The following TSPAN7 variants were observed in gnomAD, a reference collection of about 807,000 sequenced individuals.
The protein encoded by TSPAN7 is tetraspanin-7.
Under a neutral mutation model 17.6 loss-of-function variants are expected in TSPAN7, and 1 was observed. The observed-to-expected ratio is 0.06, with a 90% CI of 0.02 to 0.27. TSPAN7 has a LOEUF of 0.27. TSPAN7 is among the 10% of genes least tolerant of loss of function. The pLI is 1.00. For missense variants in TSPAN7, 112 were observed against 201.7 expected (o/e 0.56, Z 2.69); for synonymous variants, 78 against 79.0 (o/e 0.99, Z 0.07).
chrX:38,648,673 A>G (rs1047325565), intron 1 of TSPAN7, among the ~76,000 whole-genome samples: 1 of 111,493 alleles, frequency 9.0e-6, no homozygotes, highest in African/African-American at 3.3e-5. Context: ...GCTGGTCTCA[A>G]ACTCCTGGCC....
chrX:38,565,299 A>G lies in TSPAN7; in HGVS notation c.81+3672A>G, dbSNP rs61229184. 9.1e-3 allele frequency among the ~76,000 whole-genome samples: 1,023 copies of G among 111,946 alleles called. 9 individuals are homozygous for G. Among genetic ancestry groups the G allele is most frequent in the African/African-American group, 0.032 (986 of 30,794 alleles). On this transcript the variant is annotated intron_variant, in intron 1 of 7. Coordinates refer to ENST00000378482, the MANE Select transcript of TSPAN7 (RefSeq NM_004615.4). The stretch of plus-strand genomic sequence containing the variant: ...GGCTGGAGTGCAGTGGTGTGACCTC[A>G]GCTCACTGCAACCTCCGCCTCCTGG...
chrX:38,655,289 T>C (rs1342327277), intron 1 of TSPAN7, among the ~76,000 whole-genome samples: 1 of 111,121 alleles, frequency 9.0e-6, no homozygotes, highest in African/African-American at 3.3e-5. Flanking sequence ...TTTGTGCTTT[T>C]CCAAAATGTC....
chrX:38,580,639 G>C (rs181038671), intron 1 of TSPAN7, among the ~76,000 whole-genome samples: 7 of 112,023 alleles, frequency 6.2e-5, no homozygotes, highest in African/African-American at 1.9e-4. Flanking sequence ...CTACTACTAT[G>C]ATCACTGAGC....
intron 1 of TSPAN7, among the ~76,000 whole-genome samples, chrX:38,577,151 C>A (rs892882753): frequency 3.6e-5 from 4 of 111,607 alleles, no homozygotes; most frequent in Non-Finnish European, 7.5e-5. Context: ...GTGATACTCT[C>A]ATGAAAATGC....
intron 1 of TSPAN7, among the ~76,000 whole-genome samples, chrX:38,657,553 C>G: frequency 8.9e-6 from 1 of 111,799 alleles, no homozygotes; most frequent in Middle Eastern, 4.6e-3. Flanking sequence ...GTTGACCAGT[C>G]TTTGGCATCT....
At chrX:38,664,018 C>T (rs17144251) in intron 1 of TSPAN7, among the ~76,000 whole-genome samples, 3,385 of 112,295 alleles carry the variant, frequency 0.03, 127 homozygotes, top group African/African-American at 0.1. Flanking sequence ...GCCTAAACAC[C>T]GACTAGCTTA....
intron 1 of TSPAN7, among the ~76,000 whole-genome samples, chrX:38,604,194 A>C (rs1330929577): frequency 4.8e-5 from 5 of 103,482 alleles, no homozygotes; most frequent in African/African-American, 1.8e-4. Flanking sequence ...CCTACAAAGG[A>C]CATGAACTCA....
At chrX:38,670,083 C>T (rs1271653244) in intron 2 of TSPAN7, among the ~76,000 whole-genome samples, 2 of 111,522 alleles carry the variant, frequency 1.8e-5, no homozygotes, top group Non-Finnish European at 3.8e-5. Flanking sequence ...TTTAAGCCAA[C>T]ATTTCCTTTT....
At chrX:38,662,953 T>C (rs12835185) in intron 1 of TSPAN7, among the ~76,000 whole-genome samples, 41,554 of 109,275 alleles carry the variant, frequency 0.38, 6,374 homozygotes, top group Middle Eastern at 0.53. Context: ...CCATGCAATA[T>C]GGTGTTCATA....
intron 1 of TSPAN7, among the ~76,000 whole-genome samples, chrX:38,606,396 G>A (rs890876080): frequency 1.8e-5 from 2 of 111,557 alleles, no homozygotes; most frequent in Non-Finnish European, 3.8e-5. Context: ...AAAGAGGCAG[G>A]ACCTAGCCCA....
chrX:38,616,938 C>T (rs2069458964), intron 1 of TSPAN7, among the ~76,000 whole-genome samples: 1 of 111,940 alleles, frequency 8.9e-6, no homozygotes, highest in Non-Finnish European at 1.9e-5. Flanking sequence ...TAAAAGATTT[C>T]CTTGATAAAT....
chrX:38,663,186 C>G (rs866198501), intron 1 of TSPAN7, among the ~76,000 whole-genome samples: 1 of 110,608 alleles, frequency 9.0e-6, no homozygotes. Flanking sequence ...CACACAGACA[C>G]ACACACACAC....
chrX:38,586,128 ATTTTC>A (rs1458887420), intron 1 of TSPAN7, among the ~76,000 whole-genome samples: 1 of 111,984 alleles, frequency 8.9e-6, no homozygotes, highest in Non-Finnish European at 1.9e-5. Flanking sequence ...TGGCCTAGGC[ATTTTC>A]TTTTAAGTCC....
intron 6 of TSPAN7, among the ~76,000 whole-genome samples, chrX:38,683,016 GA>G (rs1179280905): frequency 9.1e-6 from 1 of 109,855 alleles, no homozygotes; most frequent in Non-Finnish European, 1.9e-5. Flanking sequence ...CCCATTGGAG[GA>G]AAAAAAAATA....
intron 1 of TSPAN7, among the ~76,000 whole-genome samples, chrX:38,588,697 A>G (rs960284371): frequency 1.8e-5 from 2 of 111,803 alleles, no homozygotes. Context: ...TTTTGGAACA[A>G]TATTTCAAAT....
At chrX:38,663,701 A>G (rs907244707) in intron 1 of TSPAN7, among the ~76,000 whole-genome samples, 1 of 112,295 alleles carries the variant, frequency 8.9e-6, no homozygotes, top group Non-Finnish European at 1.9e-5. Flanking sequence ...TTATGAAAGA[A>G]AAGGCATTAA....
chrX:38,585,230 G>GT (rs1324815314), intron 1 of TSPAN7, among the ~76,000 whole-genome samples: 1 of 111,804 alleles, frequency 8.9e-6, no homozygotes, highest in African/African-American at 3.2e-5. Flanking sequence ...TGTTAAACTG[G>GT]TTTTTTAAAT....
At chrX:38,573,832 T>G (rs1157260125) in intron 1 of TSPAN7, among the ~76,000 whole-genome samples, 1 of 111,296 alleles carries the variant, frequency 9.0e-6, no homozygotes, top group Admixed American at 9.6e-5. Flanking sequence ...TACAATGTAG[T>G]TATGTGCTCT....
intron 5 of TSPAN7, among the ~76,000 whole-genome samples, chrX:38,679,431 T>C (rs1329532035): frequency 9.0e-6 from 1 of 111,731 alleles, no homozygotes; most frequent in Non-Finnish European, 1.9e-5. Context: ...TTTGGGAAAG[T>C]GTTAGAATAT....
Sources: gnomAD v4.1 joint callset for allele counts (sites outside exome capture counted in the v4.1 genomes callset) on GRCh38, gnomAD v4.1.1 for gene constraint, MANE v1.5 for transcripts, NCBI Gene and HGNC (gene_info 2026-07-23, HGNC 2026-07-21) for gene names.